DSCAM: variants seen among roughly 807,000 people sequenced by gnomAD.
DSCAM encodes DS cell adhesion molecule.
Under a neutral mutation model 217.7 loss-of-function variants are expected in DSCAM, and 47 were observed. That is an observed-to-expected ratio of 0.22 (90% CI 0.17 to 0.28). The LOEUF (loss-of-function observed/expected upper bound fraction) is 0.28. Ranked by LOEUF, DSCAM falls within the 10% of genes least tolerant of loss-of-function variation. The probability of loss-of-function intolerance (pLI) is 1.00; values close to 1 mark genes in which losing one functional copy is unlikely to be tolerated. For missense variants in DSCAM, 2,080 were observed against 2,618.3 expected (o/e 0.79, Z 4.49); for synonymous variants, 1,056 against 1,015.3 (o/e 1.04, Z -0.76).
At chr21:40,058,556 T>C (rs1471115820) in intron 28 of DSCAM, among the ~76,000 whole-genome samples, 3 of 152,194 alleles carry the variant, frequency 2.0e-5, no homozygotes, top group African/African-American at 7.2e-5. Context: ...GTGAAGTAAA[T>C]CCTCACATTG....
chr21:40,819,548 A>AT (rs2091909778), intron 1 of DSCAM, among the ~76,000 whole-genome samples: 1 of 152,204 alleles, frequency 6.6e-6, no homozygotes, highest in Non-Finnish European at 1.5e-5. Context: ...ATAATTACTA[A>AT]TCCTCACAAA....
intron 3 of DSCAM, among the ~76,000 whole-genome samples, chr21:40,495,721 G>GA (rs1320771168): frequency 2.0e-5 from 3 of 151,240 alleles, no homozygotes; most frequent in African/African-American, 7.3e-5. Context: ...ATCCAAATTG[G>GA]AAAAAAAAGA....
At chr21:40,739,670 T>TGG (rs1365674868) in intron 1 of DSCAM, among the ~76,000 whole-genome samples, 1 of 152,184 alleles carries the variant, frequency 6.6e-6, no homozygotes, top group Admixed American at 6.5e-5. Context: ...CCCGAGGTAC[T>TGG]GGGGGTTAGG....
intron 1 of DSCAM, among the ~76,000 whole-genome samples, chr21:40,715,386 C>T (rs1181806686): frequency 6.6e-6 from 1 of 152,174 alleles, no homozygotes; most frequent in Admixed American, 6.5e-5. Flanking sequence ...GTTTGGCCTC[C>T]AGGGCCAGTT....
intron 1 of DSCAM, among the ~76,000 whole-genome samples, chr21:40,715,496 A>C (rs1454038260): frequency 6.6e-6 from 1 of 152,218 alleles, no homozygotes; most frequent in Non-Finnish European, 1.5e-5. Context: ...CCCACAGAGA[A>C]GAGAGGCAGG....
rs78865474 is a variant in DSCAM at position 40,275,786 on chromosome 21, C to T, written c.2356+311G>A. On this transcript the variant is annotated intron_variant, in intron 11 of 32. Coordinates refer to ENST00000400454, the MANE Select transcript of DSCAM (RefSeq NM_001389.5). The stretch of plus-strand genomic sequence containing the variant: ...AGGGTAGCAATGTGGGTGTTAAAGG[C>T]AGAGACCTACTCATCTGCTAGGTTG... 3.7e-3 allele frequency among the ~76,000 whole-genome samples: 562 copies of T among 152,206 alleles called. 2 individuals are homozygous for T. Among genetic ancestry groups the T allele is most frequent in the Middle Eastern group, 6.8e-3 (2 of 294 alleles).
rs572482753 is a variant in DSCAM at position 40,399,433 on chromosome 21, C to T, written c.509-30188G>A. ...CTAGTTCCTAAATATCTTTAGAGTTCTTTAGGAAATCCACCTACTTAAACT... is the reference window on the plus strand; with the variant it reads ...CTAGTTCCTAAATATCTTTAGAGTTTTTTAGGAAATCCACCTACTTAAACT... On this transcript the variant is annotated intron_variant, in intron 3 of 32. Coordinates refer to ENST00000400454, the MANE Select transcript of DSCAM (RefSeq NM_001389.5). Among the ~76,000 whole-genome samples, 10 of 152,278 alleles carry T rather than the reference C, an allele frequency of 6.6e-5. No homozygotes were observed. In the South Asian group the frequency reaches 2.1e-3, roughly 32 times the overall value.
chr21:40,499,835 T>C (rs2076157229), intron 3 of DSCAM, among the ~76,000 whole-genome samples: 1 of 152,220 alleles, frequency 6.6e-6, no homozygotes, highest in South Asian at 2.1e-4. Context: ...GGATGGAGTG[T>C]AGTGATGCGA....
intron 2 of DSCAM, among the ~76,000 whole-genome samples, chr21:40,701,271 G>A (rs932784808): frequency 3.3e-5 from 5 of 152,020 alleles, no homozygotes; most frequent in African/African-American, 9.7e-5. Context: ...AATACCTGTA[G>A]AAGATAAAGT....
At chr21:40,637,875 G>T (rs950997964) in intron 3 of DSCAM, among the ~76,000 whole-genome samples, 4 of 151,022 alleles carry the variant, frequency 2.6e-5, no homozygotes, top group African/African-American at 9.8e-5. Context: ...GTAGAGATGG[G>T]GTTTCACCAT....
At chr21:40,051,392 A>G (rs2088928343) in intron 30 of DSCAM, among the ~76,000 whole-genome samples, 1 of 152,258 alleles carries the variant, frequency 6.6e-6, no homozygotes, top group African/African-American at 2.4e-5. Context: ...CTTCACATTA[A>G]CTAGAATTAT....
In DSCAM at chr21:40,012,466, G is replaced by A. The variant is rs1443901829; in HGVS notation, c.*568C>T. ...TTCGCTTAGACAAAATGCAAAGAGT[G>A]TCTCATTAAATTAAAAAAGAAACAA... is the stretch of plus-strand genomic sequence containing the variant. On this transcript the variant is annotated 3_prime_UTR_variant, in exon 33 of 33. Transcript: ENST00000400454. 1 of 152,114 alleles carries A rather than the reference G, an allele frequency of 6.6e-6. No homozygotes were observed. The highest frequency in any genetic ancestry group is 2.4e-5 in the African/African-American group (1 of 41,378). 9.4% of individuals were successfully genotyped at this position (152,114 alleles called of 1,614,324 possible). A position where few individuals can be genotyped will look rare whatever the true frequency, so the allele number is the denominator to read the frequency against.
At chr21:40,495,160 A>G (rs1052857867) in intron 3 of DSCAM, among the ~76,000 whole-genome samples, 2 of 152,190 alleles carry the variant, frequency 1.3e-5, no homozygotes, top group Non-Finnish European at 2.9e-5. Context: ...TGAAATATTG[A>G]AGAACTAATC....
At chr21:40,393,873 T>C (rs913916808) in intron 3 of DSCAM, among the ~76,000 whole-genome samples, 1 of 152,210 alleles carries the variant, frequency 6.6e-6, no homozygotes, top group Admixed American at 6.5e-5. Context: ...ATCATTTTAA[T>C]ACTGTGTAAT....
intron 18 of DSCAM, among the ~76,000 whole-genome samples, chr21:40,136,082 C>A: frequency 6.6e-6 from 1 of 152,170 alleles, no homozygotes; most frequent in Admixed American, 6.5e-5. Context: ...GGACTCCTGT[C>A]TTCTAGGGAG....
intron 3 of DSCAM, among the ~76,000 whole-genome samples, chr21:40,634,632 A>G (rs544966201): frequency 1.2e-4 from 18 of 152,352 alleles, no homozygotes; most frequent in African/African-American, 4.1e-4. Flanking sequence ...CTATCAGTAA[A>G]ACAAAATATG....
At chr21:40,390,416 A>G (rs1416749422) in intron 3 of DSCAM, among the ~76,000 whole-genome samples, 1 of 152,184 alleles carries the variant, frequency 6.6e-6, no homozygotes, top group African/African-American at 2.4e-5. Flanking sequence ...GAGAAGGTGG[A>G]TAGCCTTGGG....
chr21:40,766,776 G>A (rs894334844), intron 1 of DSCAM, among the ~76,000 whole-genome samples: 1 of 134,808 alleles, frequency 7.4e-6, no homozygotes, highest in Non-Finnish European at 1.5e-5. Context: ...TGCAACCTCC[G>A]CCTCCCAGGT....
At chr21:40,479,705 C>T (rs1357153290) in intron 3 of DSCAM, among the ~76,000 whole-genome samples, 1 of 152,148 alleles carries the variant, frequency 6.6e-6, no homozygotes, top group African/African-American at 2.4e-5. Flanking sequence ...CCTCTCACAA[C>T]ACGAGGGGAT....
Sources: gnomAD v4.1 joint callset for allele counts (sites outside exome capture counted in the v4.1 genomes callset) on GRCh38, gnomAD v4.1.1 for gene constraint, MANE v1.5 for transcripts, NCBI Gene and HGNC (gene_info 2026-07-23, HGNC 2026-07-21) for gene names.